NRTN: variants seen among roughly 807,000 people sequenced by gnomAD.
The protein encoded by NRTN is prepro-neurturin.
In NRTN, 3 loss-of-function variants were observed where a neutral mutation model predicts 7.5. The observed-to-expected ratio is 0.40, with a 90% CI of 0.18 to 1.03. NRTN has a LOEUF of 1.03. Among genes scored for constraint, NRTN ranks in the 50% least tolerant of loss-of-function variants. NRTN has a pLI of 0.34. For synonymous variants in NRTN, 157 were observed against 146.6 expected (o/e 1.07, Z -0.51); for missense variants, 310 against 307.0 (o/e 1.01, Z -0.07).
At position 5,823,921 on chromosome 19, in the gene NRTN, C is replaced by T. The variant is rs115287619; in HGVS notation, c.-245C>T. ...ATTCAAGTCTGGACCTTGTCATCGG[C>T]TCCTCAGGAAGGCACTCCGGGACCC... On this transcript the variant is annotated 5_prime_UTR_variant, in exon 2 of 3. Coordinates refer to ENST00000303212, the MANE Select transcript of NRTN (RefSeq NM_004558.5). 5,679 of 598,726 alleles carry T rather than the reference C, an allele frequency of 9.5e-3. 245 individuals are homozygous for T. The African/African-American group carries it at 0.095, about 10-fold the overall frequency. The allele number at this position is 598,726 out of a possible 1,614,324, so 37.1% of individuals were successfully genotyped here.
At chr19:5,810,896 T>TCTGG (rs1244821977) in intron 1 of NRTN, among the ~76,000 whole-genome samples, 1 of 149,888 alleles carries the variant, frequency 6.7e-6, no homozygotes, top group Non-Finnish European at 1.5e-5. Flanking sequence ...TCCACTGCAC[T>TCTGG]CCAGCCTGGC....
intron 1 of NRTN, 79 bp from the exon 2 acceptor site, chr19:5,823,689 C>G (rs941668793): frequency 1.1e-5 from 3 of 282,000 alleles, no homozygotes; most frequent in African/African-American, 6.6e-5. Context: ...TAAACACCAC[C>G]CTCCCCGCGC....
intron 2 of NRTN, 42 bp from the exon 3 acceptor site, chr19:5,827,707 G>GGC: frequency 2.6e-6 from 2 of 764,274 alleles, no homozygotes; most frequent in Non-Finnish European, 3.4e-6. Context: ...CCCACCCCCT[G>GGC]CACCCACTGA....
In NRTN at chr19:5,814,144, C is replaced by T. The variant is rs573550440; in HGVS notation, c.-399+8693C>T. On this transcript the variant is annotated intron_variant, in intron 1 of 2. Coordinates refer to ENST00000303212, the MANE Select transcript of NRTN (RefSeq NM_004558.5). ...CTTGGGATCTGCAGCAAGCTCACCCCTCTGTAAACTGAATTCTCAAAGTCA... is the reference window on the plus strand; with the variant it reads ...CTTGGGATCTGCAGCAAGCTCACCCTTCTGTAAACTGAATTCTCAAAGTCA... Among the ~76,000 whole-genome samples, 3 of 152,266 alleles carry T rather than the reference C, an allele frequency of 2.0e-5. No homozygotes were observed. The East Asian group carries it at 5.8e-4, about 29-fold the overall frequency.
At chr19:5,809,363 G>A (rs1277419081) in intron 1 of NRTN, among the ~76,000 whole-genome samples, 1 of 151,150 alleles carries the variant, frequency 6.6e-6, no homozygotes, top group African/African-American at 2.4e-5. Flanking sequence ...TAGAGACGGG[G>A]GTCTCGCTAT....
Position 5,828,250 on chromosome 19 carries a change from C to G in NRTN, c.*77C>G, listed in dbSNP as rs2057057167. On this transcript the variant is annotated 3_prime_UTR_variant, in exon 3 of 3. Coordinates refer to ENST00000303212, the MANE Select transcript of NRTN (RefSeq NM_004558.5). ...CACTGGCCGGCCCCGCGAAAGACTG[C>G]GCGTGCGTAGAGCACGCCGGCGCGG... 5 of 1,461,136 alleles carry G rather than the reference C, an allele frequency of 3.4e-6. No individual in the cohort carries two copies. The highest frequency in any genetic ancestry group is 4.6e-6 in the Non-Finnish European group (5 of 1,093,910). The allele number at this position is 1,461,136 out of a possible 1,614,324, so 90.5% of individuals were successfully genotyped here. A position where few individuals can be genotyped will look rare whatever the true frequency, so the allele number is the denominator to read the frequency against.
chr19:5,810,047 C>T (rs1334918689), intron 1 of NRTN, among the ~76,000 whole-genome samples: 7 of 151,852 alleles, frequency 4.6e-5, no homozygotes, highest in Non-Finnish European at 8.8e-5. Context: ...TGGCGGATCA[C>T]GAGGTCAGGA....
intron 1 of NRTN, among the ~76,000 whole-genome samples, chr19:5,823,479 G>A (rs2057033496): frequency 6.6e-6 from 1 of 152,102 alleles, no homozygotes. Flanking sequence ...GGGAAGAAGT[G>A]TTCTCCATGC....
intron 1 of NRTN, among the ~76,000 whole-genome samples, chr19:5,821,245 A>G (rs552543967): frequency 1.3e-5 from 2 of 149,668 alleles, no homozygotes; most frequent in African/African-American, 2.5e-5. Context: ...TCACTCAGAC[A>G]TGAAATTCTG....
rs1280730852 is a variant in NRTN, at chr19:5,805,336, C to T, written c.-514C>T. Among the ~76,000 whole-genome samples the T allele has an allele frequency of 6.9e-6, 1 of 145,554 alleles. No homozygotes were observed. The highest frequency in any genetic ancestry group is 2.5e-5 in the African/African-American group (1 of 40,220). On this transcript the variant is annotated 5_prime_UTR_variant, in exon 1 of 3. Coordinates refer to ENST00000303212, the MANE Select transcript of NRTN (RefSeq NM_004558.5). The stretch of plus-strand genomic sequence containing the variant: ...CCCCGCCCGCGGCCGCCCCCTCCGG[C>T]CCGGGCCCCCCCCGGGCACCGCGGG...
chr19:5,827,918 C>A lies in NRTN; in HGVS notation c.339C>A (p.Ser113Arg). ...TGCGCGAGCTGGAGGTGCGCGTGAG[C>A]GAGCTGGGCCTGGGCTACGCGTCCG... ...CGLRELEVRV[S>R]ELGLGYASDE... Residue 113 changes from serine (S) to arginine (R), a missense_variant, in exon 3 of 3, where the codon AGC (serine) becomes AGA (arginine). Coordinates refer to ENST00000303212, the MANE Select transcript of NRTN (RefSeq NM_004558.5). 1 of 1,455,544 alleles carries A rather than the reference C, an allele frequency of 6.9e-7. No homozygotes were observed. Among genetic ancestry groups the A allele is most frequent in the Non-Finnish European group, 9.1e-7 (1 of 1,104,700 alleles). 90.2% of individuals were successfully genotyped at this position (1,455,544 alleles called of 1,614,324 possible).
intron 1 of NRTN, among the ~76,000 whole-genome samples, chr19:5,823,529 TGTCCAGGGCAGCTCTG>T (rs1475025648): frequency 6.6e-6 from 1 of 152,184 alleles, no homozygotes; most frequent in Non-Finnish European, 1.5e-5. Context: ...TGGGACTCCA[TGTCCAGGGCAGCTCTG>T]GTCCATTGCT....
rs545779117 is a variant in NRTN at position 5,809,468 on chromosome 19, C to A, written c.-399+4017C>A. Reference sequence around the variant, plus strand: ...ATTCCAAGCATGAGCCACTCTGCACCCAGCCCCATCCTGGTTTTTTTTTTG... The same window carrying A: ...ATTCCAAGCATGAGCCACTCTGCACACAGCCCCATCCTGGTTTTTTTTTTG... On this transcript the variant is annotated intron_variant, in intron 1 of 2. Coordinates refer to ENST00000303212, the MANE Select transcript of NRTN (RefSeq NM_004558.5). Among the ~76,000 whole-genome samples the A allele has an allele frequency of 1.5e-3, 221 of 150,870 alleles. 2 individuals carry two copies. In the Middle Eastern group the frequency reaches 0.024, roughly 16 times the overall value.
At chr19:5,825,726 C>T (rs1202779047) in intron 2 of NRTN, among the ~76,000 whole-genome samples, 3 of 152,336 alleles carry the variant, frequency 2.0e-5, no homozygotes, top group African/African-American at 7.2e-5. Flanking sequence ...CACTGACTCC[C>T]CAAGTCCCCA....
At chr19:5,825,499 G>A (rs1184749694) in intron 2 of NRTN, among the ~76,000 whole-genome samples, 2 of 152,236 alleles carry the variant, frequency 1.3e-5, no homozygotes, top group Non-Finnish European at 2.9e-5. Context: ...CCTCCAGCAC[G>A]AGCTCCACTT....
At chr19:5,816,971 TG>T (rs1436784504) in intron 1 of NRTN, among the ~76,000 whole-genome samples, 1 of 152,174 alleles carries the variant, frequency 6.6e-6, no homozygotes, top group Non-Finnish European at 1.5e-5. Flanking sequence ...TTCTGGTGTG[TG>T]GATGTGATTG....
intron 1 of NRTN, among the ~76,000 whole-genome samples, chr19:5,813,806 C>T (rs548854000): frequency 3.9e-5 from 6 of 152,148 alleles, no homozygotes; most frequent in Admixed American, 3.9e-4. Flanking sequence ...CACTGCTGCA[C>T]TCCAACCTGT....
At chr19:5,815,061 C>T (rs1264540448) in intron 1 of NRTN, among the ~76,000 whole-genome samples, 1 of 152,260 alleles carries the variant, frequency 6.6e-6, no homozygotes, top group East Asian at 1.9e-4. Context: ...GCCCCATCTG[C>T]TTCCCCTCCT....
intron 1 of NRTN, among the ~76,000 whole-genome samples, chr19:5,817,316 T>G (rs1350550793): frequency 6.6e-6 from 1 of 150,564 alleles, no homozygotes; most frequent in African/African-American, 2.5e-5. Context: ...GTTGCGCCAC[T>G]GCACTCCAGC....
Sources: allele counts gnomAD v4.1 joint callset (sites outside exome capture counted in the v4.1 genomes callset), GRCh38; gene constraint gnomAD v4.1.1; transcripts MANE v1.5; gene names NCBI Gene and HGNC (gene_info 2026-07-23, HGNC 2026-07-21).